The following CPNE2 variants were observed in gnomAD, a reference collection of about 807,000 sequenced individuals.
CPNE2 encodes the protein copine-2.
A neutral mutation model predicts 69.7 loss-of-function variants in CPNE2; 42 were observed. The observed-to-expected ratio is 0.60, with a 90% CI of 0.47 to 0.78. The LOEUF (loss-of-function observed/expected upper bound fraction) is 0.78. Among genes scored for constraint, CPNE2 ranks in the 30% least tolerant of loss-of-function variants. The pLI, the probability that CPNE2 is intolerant of heterozygous loss-of-function variation, is 0.00. For synonymous variants in CPNE2, 294 were observed against 289.8 expected, an observed-to-expected ratio of 1.01 and a Z score of -0.15; for missense variants, 587 against 732.0, an observed-to-expected ratio of 0.80 and a Z score of 2.29.
Position 57,146,190 on chromosome 16 carries a change from G to A in CPNE2, c.1408G>A (p.Val470Met). ...ASKLPMSIIIVGVGNADFAAM... is the reference protein window; with the variant it reads ...ASKLPMSIIIMGVGNADFAAM... Reference sequence around the variant, plus strand: ...CAAGCTGCCCATGTCCATCATCATCGTGGGCGTGGGCAATGCGGACTTCGC... The same window carrying A: ...CAAGCTGCCCATGTCCATCATCATCATGGGCGTGGGCAATGCGGACTTCGC... Residue 470 changes from valine to methionine, a missense_variant, in exon 15 of 16, where the codon GTG becomes ATG. Val to Met is a conservative substitution (Grantham distance 21). Transcript: ENST00000290776. This position sits in a 1 kb window ranked among gnomAD's most constrained non-coding sequence, Gnocchi z 4.4. The A allele has an allele frequency of 5.1e-6, 8 of 1,574,354 alleles. No homozygotes were observed. Among genetic ancestry groups the A allele is most frequent in the South Asian group, 1.2e-5 (1 of 86,256 alleles).
intron 12 of CPNE2, 143 bp from the exon 13 acceptor site, chr16:57,134,632 G>A: frequency 1.3e-6 from 1 of 796,970 alleles, no homozygotes; most frequent in African/African-American, 1.7e-5. Flanking sequence ...CAGATGTGGG[G>A]GGTATCAGTG....
At chr16:57,137,644 G>C (rs1597505696) in intron 14 of CPNE2, among the ~76,000 whole-genome samples, 1 of 152,216 alleles carries the variant, frequency 6.6e-6, no homozygotes, top group African/African-American at 2.4e-5. Context: ...TCCAATCAGA[G>C]CTGCCCCTGC....
At chr16:57,133,035 A>G (rs775345755) in intron 12 of CPNE2, among the ~76,000 whole-genome samples, 2 of 152,054 alleles carry the variant, frequency 1.3e-5, no homozygotes, top group Non-Finnish European at 2.9e-5. Context: ...ATCTCCTAAA[A>G]TCTGATTTTT....
At position 57,126,006 on chromosome 16, in the gene CPNE2, A is replaced by G. The variant is rs1250574092; in HGVS notation, c.1061+13A>G. On this transcript the variant is annotated intron_variant, in intron 11 of 15. Transcript: ENST00000290776. Reference sequence around the variant, plus strand: ...AGGACTACGACAGGTAAGGTTGGAGAGGGGCTCTGAAGGTCAGCTAGGGTT... The same window carrying G: ...AGGACTACGACAGGTAAGGTTGGAGGGGGGCTCTGAAGGTCAGCTAGGGTT... 6.2e-7 allele frequency: 1 copy of G among 1,613,776 alleles called. No individual in the cohort carries two copies. The highest frequency in any genetic ancestry group is 1.1e-5 in the South Asian group (1 of 91,018).
intron 1 of CPNE2, among the ~76,000 whole-genome samples, chr16:57,095,742 G>A (rs1336756883): frequency 2.6e-5 from 4 of 152,222 alleles, no homozygotes; most frequent in African/African-American, 9.6e-5. Context: ...TGGGATTATA[G>A]GCATGAGCCA....
intron 7 of CPNE2, among the ~76,000 whole-genome samples, chr16:57,120,418 G>T (rs965527360): frequency 6.7e-6 from 1 of 150,256 alleles, no homozygotes; most frequent in Non-Finnish European, 1.5e-5. Flanking sequence ...ACCCTCTCAC[G>T]GTCTTTAGTA....
At chr16:57,133,804 A>G (rs1597503553) in intron 12 of CPNE2, among the ~76,000 whole-genome samples, 3 of 152,316 alleles carry the variant, frequency 2.0e-5, no homozygotes, top group Non-Finnish European at 2.9e-5. Context: ...CAGTTTTGTC[A>G]TCCATAAGAT....
At chr16:57,139,082 G>A (rs1196235507) in intron 14 of CPNE2, among the ~76,000 whole-genome samples, 1 of 152,186 alleles carries the variant, frequency 6.6e-6, no homozygotes, top group East Asian at 1.9e-4. Context: ...GCAGGAAACC[G>A]GACTTTTATT....
intron 2 of CPNE2, 173 bp from the exon 3 acceptor site, chr16:57,113,115 C>G (rs1268682871): frequency 4.8e-6 from 3 of 624,764 alleles, no homozygotes; most frequent in African/African-American, 3.7e-5. Flanking sequence ...CTTAACCTCT[C>G]TGTGCTTCAG....
In CPNE2 at chr16:57,147,544, C is replaced by T. The variant is rs565416191; in HGVS notation, c.1540-7C>T. On this transcript the variant is annotated splice_region_variant and splice_polypyrimidine_tract_variant and intron_variant, in intron 15 of 15. Coordinates refer to ENST00000290776, the MANE Select transcript of CPNE2 (RefSeq NM_152727.6). ...TCTTCCCCACCCCACCCTCCTCCAC[C>T]CTGCAGGCAGCAAAAGAGACCTTGG... 2.5e-6 allele frequency: 4 copies of T among 1,591,428 alleles called. No individual in the cohort carries two copies. The South Asian group carries it at 3.4e-5, about 14-fold the overall frequency.
intron 1 of CPNE2, among the ~76,000 whole-genome samples, chr16:57,103,476 G>T (rs760625816): frequency 6.6e-6 from 1 of 152,096 alleles, no homozygotes; most frequent in Non-Finnish European, 1.5e-5. Flanking sequence ...GACAGCACAC[G>T]GTGCCCTTGC....
At chr16:57,115,580 C>T (rs1038315430) in intron 4 of CPNE2, 30 bp downstream of exon 4, 1 of 1,519,258 alleles carries the variant, frequency 6.6e-7, no homozygotes, top group African/African-American at 1.4e-5. Context: ...TCTCCGCACC[C>T]CCTCCATCCC....
At position 57,147,781 on chromosome 16, in the gene CPNE2, C is replaced by A; in HGVS notation, c.*123C>A. Reference sequence around the variant, plus strand: ...CGATCCCCTTTTTTATTTTTTACAACCGGACCTCCACCCCCAACTTCCTCC... The same window carrying A: ...CGATCCCCTTTTTTATTTTTTACAAACGGACCTCCACCCCCAACTTCCTCC... On this transcript the variant is annotated 3_prime_UTR_variant, in exon 16 of 16. Transcript: ENST00000290776. 1.8e-6 allele frequency: 1 copy of A among 564,252 alleles called. No individual in the cohort carries two copies. 35.0% of individuals were successfully genotyped at this position (564,252 alleles called of 1,614,324 possible).
At chr16:57,100,765 C>G (rs1345958299) in intron 1 of CPNE2, among the ~76,000 whole-genome samples, 4 of 152,186 alleles carry the variant, frequency 2.6e-5, no homozygotes, top group African/African-American at 9.7e-5. Flanking sequence ...ATGGTTATCT[C>G]TCCATCAGCA....
chr16:57,124,564 A>T (rs2069786877), intron 10 of CPNE2: 1 of 322,120 alleles, frequency 3.1e-6, no homozygotes, highest in Non-Finnish European at 6.4e-6. Flanking sequence ...GTGCTCCATC[A>T]TTTCTCGTTG....
intron 13 of CPNE2, 148 bp downstream of exon 13, chr16:57,134,974 C>A: frequency 1.1e-6 from 1 of 890,880 alleles, no homozygotes; most frequent in Non-Finnish European, 1.7e-6. Flanking sequence ...GGGGGAAGAG[C>A]TGCAGTTTGG....
intron 1 of CPNE2, among the ~76,000 whole-genome samples, chr16:57,106,520 GTA>G (rs1400625450): frequency 4.1e-4 from 63 of 152,304 alleles, no homozygotes; most frequent in African/African-American, 1.4e-3. Flanking sequence ...GTCTGGGTGC[GTA>G]TGTGTATGTG....
chr16:57,137,384 C>CTAGGATTTAA, intron 14 of CPNE2, 102 bp downstream of exon 14: 1 of 1,402,974 alleles, frequency 7.1e-7, no homozygotes, highest in Non-Finnish European at 9.7e-7. Context: ...TCCTAGTGGA[C>CTAGGATTTAA]ACCTCTGGGC....
chr16:57,140,868 ATTTTTTTTTTTTT>A (rs55901819), intron 14 of CPNE2: 4 of 86,098 alleles, frequency 4.6e-5, no homozygotes, highest in African/African-American at 2.0e-4. Flanking sequence ...CCCGGCCGGG[ATTTTTTTTTTTTT>A]TTTTTTTTTT....
Sources: allele counts gnomAD v4.1 joint callset (sites outside exome capture counted in the v4.1 genomes callset), GRCh38; gene constraint gnomAD v4.1.1; non-coding constraint Gnocchi (gnomAD v3.1); transcripts MANE v1.5; gene names NCBI Gene and HGNC (gene_info 2026-07-23, HGNC 2026-07-21).